NDUFB9: variants seen among roughly 807,000 people sequenced by gnomAD.
NDUFB9 encodes the protein NADH dehydrogenase [ubiquinone] 1 beta subcomplex subunit 9.
NDUFB9 carries 24 observed loss-of-function variants against 30.2 expected under a neutral mutation model. The ratio of observed to expected loss-of-function variants is 0.80; its 90% CI spans 0.58 to 1.12. The LOEUF is 1.12. NDUFB9 is among the 50% of genes most tolerant of loss of function. The pLI, the probability that NDUFB9 is intolerant of heterozygous loss-of-function variation, is 0.00. For missense variants in NDUFB9, 204 were observed against 226.0 expected (o/e 0.90, Z 0.62); for synonymous variants, 80 against 84.0 (o/e 0.95, Z 0.26).
rs113391214 is a variant in NDUFB9, at chr8:124,545,651, A to G, written c.295-1349A>G. On this transcript the variant is annotated intron_variant, in intron 2 of 3. Coordinates refer to ENST00000276689, the MANE Select transcript of NDUFB9 (RefSeq NM_005005.3). ...TCAAGCAATCCTCCTGTCCTAGCCA[A>G]CCAAGTAGCTAAGAAAACAGAGGCA... Among the ~76,000 whole-genome samples the G allele has an allele frequency of 7.0e-3, 1,058 of 151,598 alleles. 12 individuals are homozygous for G. The highest frequency in any genetic ancestry group is 0.025 in the African/African-American group (1,020 of 41,300).
chr8:124,549,530 G>A (rs1039384665), intron 3 of NDUFB9, among the ~76,000 whole-genome samples: 2 of 152,166 alleles, frequency 1.3e-5, no homozygotes, highest in Admixed American at 6.5e-5. Context: ...AATAGGAAGG[G>A]TAGGCTTTGC....
chr8:124,544,887 C>T (rs1822116987), intron 2 of NDUFB9, among the ~76,000 whole-genome samples: 1 of 152,146 alleles, frequency 6.6e-6, no homozygotes, highest in African/African-American at 2.4e-5. Context: ...AAGAATTCAC[C>T]ATTCTAAATG....
chr8:124,543,216 A>G lies in NDUFB9; in HGVS notation c.231A>G (p.Pro77=), dbSNP rs1174923633. The stretch of plus-strand genomic sequence containing the variant: ...AAGAATTCTGGTACCGTCAGCATCC[A>G]CAGCCATACATCTTCCCTGACTCTC... The part of the protein sequence containing the change: ...AEEEFWYRQH[P]QPYIFPDSPG... Residue 77 remains proline, a synonymous_variant, in exon 2 of 4, where the codon CCA becomes CCG. Transcript: ENST00000276689. 1.2e-6 allele frequency: 2 copies of G among 1,614,232 alleles called. No homozygotes were observed. The highest frequency in any genetic ancestry group is 2.2e-5 in the South Asian group (2 of 91,082).
At chr8:124,547,165 T>A (rs778526099) in intron 3 of NDUFB9, 52 bp downstream of exon 3, 1 of 1,400,722 alleles carries the variant, frequency 7.1e-7, no homozygotes, top group Non-Finnish European at 1.0e-6. Flanking sequence ...TGGAGTGAAG[T>A]TTTGCTCCCC....
At chr8:124,539,760 C>G (rs1422163330) in intron 1 of NDUFB9, among the ~76,000 whole-genome samples, 1 of 152,146 alleles carries the variant, frequency 6.6e-6, no homozygotes, top group Non-Finnish European at 1.5e-5. Context: ...TGGTAACTTG[C>G]GCAAGGTGAT....
At chr8:124,543,412 G>A in intron 2 of NDUFB9, 133 bp downstream of exon 2, 1 of 853,962 alleles carries the variant, frequency 1.2e-6, no homozygotes, top group Non-Finnish European at 1.9e-6. Context: ...GTCAGATGCA[G>A]GCCTACCTCA....
intron 1 of NDUFB9, among the ~76,000 whole-genome samples, chr8:124,540,827 C>T (rs1052457263): frequency 6.6e-6 from 1 of 152,156 alleles, no homozygotes; most frequent in African/African-American, 2.4e-5. Context: ...AGTGCTGTCA[C>T]CACCTGCGCT....
intron 2 of NDUFB9, among the ~76,000 whole-genome samples, chr8:124,544,775 C>T (rs1357431960): frequency 6.6e-6 from 1 of 151,872 alleles, no homozygotes; most frequent in Non-Finnish European, 1.5e-5. Context: ...GGAGTAATTT[C>T]CACTTGCAAG....
chr8:124,540,785 GTGT>G (rs981273398), intron 1 of NDUFB9, among the ~76,000 whole-genome samples: 3 of 152,224 alleles, frequency 2.0e-5, no homozygotes, highest in Admixed American at 6.5e-5. Flanking sequence ...TAGGCATACT[GTGT>G]TGTTGTATGT....
At chr8:124,540,791 T>C (rs541081206) in intron 1 of NDUFB9, among the ~76,000 whole-genome samples, 3 of 152,216 alleles carry the variant, frequency 2.0e-5, no homozygotes, top group Non-Finnish European at 4.4e-5. Context: ...TACTGTGTTG[T>C]TGTATGTACT....
chr8:124,544,538 A>G (rs1225050222), intron 2 of NDUFB9, among the ~76,000 whole-genome samples: 1 of 152,244 alleles, frequency 6.6e-6, no homozygotes, highest in Non-Finnish European at 1.5e-5. Flanking sequence ...GGACTAATGC[A>G]GTTGGTGGTT....
intron 1 of NDUFB9, 32 bp from the exon 2 acceptor site, chr8:124,543,055 A>G (rs1822060908): frequency 6.2e-7 from 1 of 1,608,718 alleles, no homozygotes; most frequent in East Asian, 2.2e-5. Context: ...AGTAGGTAAC[A>G]TTTCTAATCT....
chr8:124,543,700 G>C (rs1180346431), intron 2 of NDUFB9, among the ~76,000 whole-genome samples: 1 of 152,154 alleles, frequency 6.6e-6, no homozygotes, highest in Non-Finnish European at 1.5e-5. Flanking sequence ...GCCCACATAA[G>C]ACAGCAGACT....
Position 124,549,820 on chromosome 8 carries a change from T to C in NDUFB9, c.468T>C (p.Pro156=). The C allele has an allele frequency of 6.2e-7, 1 of 1,614,188 alleles. No homozygotes were observed. Among genetic ancestry groups the C allele is most frequent in the Non-Finnish European group, 8.5e-7 (1 of 1,180,034 alleles). Residue 156 remains proline (P), a synonymous_variant, in exon 4 of 4, where the codon CCT becomes CCC. Transcript: ENST00000276689. ...GTCCTTTAACTGAAGCTTTGCCCCCTGCCCGAAAGGAAGGTGATTTGCCCC... is the reference window on the plus strand; with the variant it reads ...GTCCTTTAACTGAAGCTTTGCCCCCCGCCCGAAAGGAAGGTGATTTGCCCC... ...PGGPLTEALP[P]ARKEGDLPPL... is the part of the protein sequence containing the mutation.
intron 3 of NDUFB9, among the ~76,000 whole-genome samples, chr8:124,548,547 G>T (rs1312094651): frequency 6.6e-6 from 1 of 152,172 alleles, no homozygotes; most frequent in East Asian, 1.9e-4. Flanking sequence ...CCCATTTGAG[G>T]TTGGGAATAA....
At chr8:124,544,862 G>A (rs1421286378) in intron 2 of NDUFB9, among the ~76,000 whole-genome samples, 2 of 152,210 alleles carry the variant, frequency 1.3e-5, no homozygotes, top group Non-Finnish European at 1.5e-5. Context: ...TTTGGGCAAA[G>A]TAAAATTTTC....
chr8:124,547,493 A>G (rs756634472), intron 3 of NDUFB9: 1 of 538,728 alleles, frequency 1.9e-6, no homozygotes, highest in African/African-American at 1.9e-5. Flanking sequence ...TGTGAAGAAT[A>G]TATTGGAGAG....
chr8:124,543,687 C>G (rs1822083539), intron 2 of NDUFB9, among the ~76,000 whole-genome samples: 1 of 152,276 alleles, frequency 6.6e-6, no homozygotes, highest in East Asian at 1.9e-4. Context: ...ACAAAAAAAC[C>G]ATGCCCACAT....
chr8:124,542,051 G>A (rs976129198), intron 1 of NDUFB9, among the ~76,000 whole-genome samples: 3 of 151,898 alleles, frequency 2.0e-5, no homozygotes, highest in Non-Finnish European at 2.9e-5. Context: ...GAGTAGCTGG[G>A]ATTACAGGTG....
Sources: gnomAD v4.1 joint callset for allele counts (sites outside exome capture counted in the v4.1 genomes callset) on GRCh38, gnomAD v4.1.1 for gene constraint, MANE v1.5 for transcripts, NCBI Gene and HGNC (gene_info 2026-07-23, HGNC 2026-07-21) for gene names.